Variants in AP1B1 observed in about 807,000 individuals in gnomAD.
AP1B1 encodes adaptor related protein complex 1 subunit beta 1.
In AP1B1, 36 loss-of-function variants were observed where a neutral mutation model predicts 104.3. That is an observed-to-expected ratio of 0.35 (90% CI 0.26 to 0.46). AP1B1 has a LOEUF of 0.46. Ranked by LOEUF, AP1B1 falls within the 20% of genes least tolerant of loss-of-function variation. AP1B1 has a pLI of 1.00. For missense variants in AP1B1, 901 were observed against 1,247.9 expected (o/e 0.72, Z 4.19); for synonymous variants, 504 against 517.5 (o/e 0.97, Z 0.35).
At chr22:29,343,406 G>T (rs1264864775) in intron 11 of AP1B1, among the ~76,000 whole-genome samples, 1 of 152,250 alleles carries the variant, frequency 6.6e-6, no homozygotes, top group African/African-American at 2.4e-5. Flanking sequence ...GAGGCAGGCA[G>T]AATGGAGGGC....
intron 16 of AP1B1, 140 bp from the exon 17 acceptor site, chr22:29,334,550 G>T: frequency 1.1e-6 from 1 of 919,618 alleles, no homozygotes; most frequent in Non-Finnish European, 1.6e-6. Flanking sequence ...TACTGCTAGG[G>T]GATGAACAGG....
In AP1B1 at chr22:29,338,463, C is replaced by T. The variant is rs146821190; in HGVS notation, c.2163+527G>A. On this transcript the variant is annotated intron_variant, in intron 16 of 22. Coordinates refer to ENST00000357586, the MANE Select transcript of AP1B1 (RefSeq NM_001127.4). ...GGGTGAGCGGGCAGGCGTGCCCAGACGTTTATAACATTGATACATACACTT... is the reference window on the plus strand; with the variant it reads ...GGGTGAGCGGGCAGGCGTGCCCAGATGTTTATAACATTGATACATACACTT... 1.1e-3 allele frequency among the ~76,000 whole-genome samples: 164 copies of T among 152,310 alleles called. 3 individuals are homozygous for T. The Middle Eastern group carries it at 0.02, about 19-fold the overall frequency.
chr22:29,371,727 CA>C (rs1003125288), intron 1 of AP1B1, among the ~76,000 whole-genome samples: 63 of 135,596 alleles, frequency 4.6e-4, no homozygotes, highest in East Asian at 8.5e-4. Flanking sequence ...GACTCCGTCT[CA>C]AAAAAAAAAA....
chr22:29,331,566 G>A, intron 18 of AP1B1, 33 bp from the exon 19 acceptor site: 1 of 1,612,034 alleles, frequency 6.2e-7, no homozygotes, highest in South Asian at 1.1e-5. Context: ...TCAGTCTCTG[G>A]GGCTTGACGC....
At chr22:29,377,961 A>G (rs958093731) in intron 1 of AP1B1, among the ~76,000 whole-genome samples, 4 of 152,112 alleles carry the variant, frequency 2.6e-5, no homozygotes, top group Non-Finnish European at 5.9e-5. Flanking sequence ...GGCACTCTCC[A>G]CTGCTGCCCC....
intron 13 of AP1B1, among the ~76,000 whole-genome samples, chr22:29,341,279 TCCCACCTGA>T (rs2061710552): frequency 6.6e-6 from 1 of 152,270 alleles, no homozygotes; most frequent in African/African-American, 2.4e-5. Context: ...TGTCTCTTGT[TCCCACCTGA>T]AGAATGGGGA....
intron 11 of AP1B1, among the ~76,000 whole-genome samples, chr22:29,343,212 C>T (rs939962971): frequency 1.3e-5 from 2 of 152,232 alleles, no homozygotes; most frequent in Non-Finnish European, 2.9e-5. Context: ...TTTTGCTAGT[C>T]CTAGGACAAG....
At chr22:29,359,105 A>G in intron 4 of AP1B1, 134 bp from the exon 5 acceptor site, 1 of 829,460 alleles carries the variant, frequency 1.2e-6, no homozygotes, top group Non-Finnish European at 1.8e-6. Context: ...TTCACCAACT[A>G]CAGCCAACAA....
chr22:29,366,028 G>A (rs373286279), intron 2 of AP1B1, among the ~76,000 whole-genome samples: 38 of 152,256 alleles, frequency 2.5e-4, no homozygotes, highest in Non-Finnish European at 4.0e-4. Context: ...GGCAGACTTC[G>A]GGTCCTGGAT....
intron 2 of AP1B1, among the ~76,000 whole-genome samples, chr22:29,364,784 C>T (rs183060130): frequency 1.3e-5 from 2 of 151,840 alleles, no homozygotes; most frequent in East Asian, 3.9e-4. Flanking sequence ...TCTCGGCTCA[C>T]CGCAACTTCC....
intron 4 of AP1B1, 162 bp downstream of exon 4, chr22:29,359,662 T>C: frequency 1.2e-6 from 1 of 827,842 alleles, no homozygotes; most frequent in Non-Finnish European, 1.8e-6. Flanking sequence ...TTCTGGAGAG[T>C]GGGAGCCCTC....
At chr22:29,358,421 C>A (rs1351133800) in intron 5 of AP1B1, among the ~76,000 whole-genome samples, 1 of 152,226 alleles carries the variant, frequency 6.6e-6, no homozygotes, top group Non-Finnish European at 1.5e-5. Context: ...CCATCCCAGG[C>A]ACGTCACCTT....
At chr22:29,336,804 CAAAAAAA>C (rs1174010439) in intron 16 of AP1B1, among the ~76,000 whole-genome samples, 1 of 72,982 alleles carries the variant, frequency 1.4e-5, no homozygotes, top group Non-Finnish European at 3.1e-5. Context: ...AACTCTGTCT[CAAAAAAA>C]AAAAAAAAAA....
intron 19 of AP1B1, among the ~76,000 whole-genome samples, chr22:29,330,989 C>T (rs1008605035): frequency 6.6e-5 from 10 of 152,200 alleles, no homozygotes; most frequent in African/African-American, 1.9e-4. Flanking sequence ...GCAGCCTGCT[C>T]GTTAGTCACA....
At chr22:29,361,144 G>A (rs2062039344) in intron 3 of AP1B1, among the ~76,000 whole-genome samples, 2 of 152,244 alleles carry the variant, frequency 1.3e-5, no homozygotes, top group South Asian at 4.1e-4. Context: ...GTGAAGGAGA[G>A]CAGCTTTGTC....
chr22:29,375,076 C>A (rs1232602531), intron 1 of AP1B1, among the ~76,000 whole-genome samples: 18 of 152,188 alleles, frequency 1.2e-4, no homozygotes, highest in Non-Finnish European at 2.6e-4. Flanking sequence ...TCTGGCCGGG[C>A]GCGGTGGCTC....
chr22:29,329,924 TG>T lies in AP1B1; in HGVS notation c.2767-205del, dbSNP rs57406458. ...CAGAGTTTGGGGCTGTCCGGGGCCC[TG>T]GAACAGCGGTGCAGGCCTCCAGGAC... On this transcript the variant is annotated intron_variant, in intron 21 of 22. Transcript: ENST00000357586. The T allele has an allele frequency of 4.8e-3, 6,850 of 1,431,120 alleles. 279 individuals carry two copies. The African/African-American group carries it at 0.09, about 19-fold the overall frequency. 88.7% of individuals were successfully genotyped at this position (1,431,120 alleles called of 1,614,324 possible).
intron 10 of AP1B1, 69 bp downstream of exon 10, chr22:29,349,966 T>A: frequency 8.1e-7 from 1 of 1,235,136 alleles, no homozygotes; most frequent in South Asian, 1.2e-5. Context: ...TCCTCCTTCC[T>A]TTTCTGCCCC....
chr22:29,337,274 A>G (rs1843383722), intron 16 of AP1B1, among the ~76,000 whole-genome samples: 2 of 152,196 alleles, frequency 1.3e-5, no homozygotes, highest in African/African-American at 4.8e-5. Flanking sequence ...AAATAGGAGG[A>G]AGAGCCACAA....
Sources: gnomAD v4.1 joint callset for allele counts (sites outside exome capture counted in the v4.1 genomes callset) on GRCh38, gnomAD v4.1.1 for gene constraint, MANE v1.5 for transcripts, NCBI Gene and HGNC (gene_info 2026-07-23, HGNC 2026-07-21) for gene names.